Variants in SIPA1L3 observed in about 807,000 individuals in gnomAD.
SIPA1L3 encodes signal-induced proliferation-associated 1-like protein 3.
In SIPA1L3, 59 loss-of-function variants were observed where a neutral mutation model predicts 150.1. That is an observed-to-expected ratio of 0.39 (90% CI 0.32 to 0.49). SIPA1L3 has a LOEUF of 0.49. SIPA1L3 is among the 20% of genes least tolerant of loss of function. The pLI, the probability that SIPA1L3 is intolerant of heterozygous loss-of-function variation, is 0.86. For missense variants in SIPA1L3, 2,211 were observed against 2,489.5 expected (o/e 0.89, Z 2.38); for synonymous variants, 1,070 against 1,077.6 (o/e 0.99, Z 0.14).
At chr19:38,055,589 A>C (rs1296502330) in intron 2 of SIPA1L3, among the ~76,000 whole-genome samples, 1 of 152,232 alleles carries the variant, frequency 6.6e-6, no homozygotes, top group Non-Finnish European at 1.5e-5. Flanking sequence ...TTTTTGGATT[A>C]GTATCCTGCC....
intron 13 of SIPA1L3, among the ~76,000 whole-genome samples, chr19:38,157,025 G>A (rs981085648): frequency 6.6e-6 from 1 of 152,026 alleles, no homozygotes; most frequent in African/African-American, 2.4e-5. Context: ...ATAGCTAGGT[G>A]TGGCAGTGCG....
At chr19:37,922,156 C>T (rs2046462476) in intron 1 of SIPA1L3, among the ~76,000 whole-genome samples, 1 of 151,986 alleles carries the variant, frequency 6.6e-6, no homozygotes, top group East Asian at 1.9e-4. Flanking sequence ...ACAATCTCAG[C>T]TCACTGCAAC....
At chr19:37,930,540 C>T (rs74944431) in intron 1 of SIPA1L3, among the ~76,000 whole-genome samples, 252 of 152,240 alleles carry the variant, frequency 1.7e-3, no homozygotes, top group African/African-American at 5.7e-3. Context: ...ATCCCTTTTG[C>T]AGACTGAAAT....
In SIPA1L3 at chr19:38,130,679, C is replaced by T. The variant is rs1971287858; in HGVS notation, c.3050C>T (p.Thr1017Ile). The T allele has an allele frequency of 5.0e-6, 8 of 1,613,920 alleles. No homozygotes were observed. Among genetic ancestry groups the T allele is most frequent in the Non-Finnish European group, 5.9e-6 (7 of 1,180,002 alleles). Reference protein sequence around the residue: ...LVEICKVAVVTLTHDQMIDLL... With the variant: ...LVEICKVAVVILTHDQMIDLL... Reference sequence around the variant, plus strand: ...GAGATCTGCAAGGTGGCCGTGGTCACACTGACCCACGACCAGATGATCGAC... The same window carrying T: ...GAGATCTGCAAGGTGGCCGTGGTCATACTGACCCACGACCAGATGATCGAC... Residue 1017 changes from threonine (T) to isoleucine (I), a missense_variant, in exon 10 of 22, where the codon ACA becomes ATA. Physicochemically the swap from Thr to Ile is moderately conservative, Grantham distance 89. Coordinates refer to ENST00000222345, the MANE Select transcript of SIPA1L3 (RefSeq NM_015073.3).
intron 19 of SIPA1L3, chr19:38,199,739 G>C (rs1004968443): frequency 6.6e-6 from 1 of 152,016 alleles, no homozygotes. Context: ...CTGGAGGTGT[G>C]GTTTTTAATG....
At position 38,119,492 on chromosome 19, in the gene SIPA1L3, G is replaced by A. The variant is rs1191245218; in HGVS notation, c.2478G>A (p.Lys826=). The part of the protein sequence containing the change: ...MATRTRQEYL[K]DLAENCVSNT... ...CCAGGACCCGCCAGGAGTATCTCAA[G>A]GACCTGGCCGAAAACTGTGTCTCCA... The change falls in exon 9 of 22, where the codon AAG becomes AAA. Residue 826 remains lysine, a synonymous_variant. Transcript: ENST00000222345. The A allele has an allele frequency of 1.2e-6, 2 of 1,614,174 alleles. No homozygotes were observed. The highest frequency in any genetic ancestry group is 2.2e-5 in the East Asian group (1 of 44,870).
chr19:38,155,109 A>G (rs1360808170), intron 13 of SIPA1L3, among the ~76,000 whole-genome samples: 2 of 152,190 alleles, frequency 1.3e-5, no homozygotes, highest in Admixed American at 1.3e-4. Context: ...CCAAAATGAC[A>G]AAGCATCTTA....
intron 19 of SIPA1L3, 44 bp from the exon 20 acceptor site, chr19:38,201,818 C>T (rs201205622): frequency 3.8e-4 from 589 of 1,556,758 alleles, no homozygotes; most frequent in Non-Finnish European, 4.4e-4. Flanking sequence ...CGGGAGAAGC[C>T]GGGAGCCTTG....
chr19:38,040,994 A>C (rs1332414324), intron 2 of SIPA1L3, among the ~76,000 whole-genome samples: 1 of 151,852 alleles, frequency 6.6e-6, no homozygotes, highest in Non-Finnish European at 1.5e-5. Flanking sequence ...CGATCTCCTG[A>C]CCTCATGATC....
At chr19:37,985,556 GAGGGGTGTCTTAGAGGGATGAGGA>G (rs1967328923) in intron 1 of SIPA1L3, among the ~76,000 whole-genome samples, 2 of 152,206 alleles carry the variant, frequency 1.3e-5, no homozygotes, top group Admixed American at 1.3e-4. Context: ...GTAGTGGTGG[GAGGGGTGTCTTAGAGGGATGAGGA>G]AGGGGTCTGT....
intron 1 of SIPA1L3, among the ~76,000 whole-genome samples, chr19:37,937,755 A>AAAAAAAAAAAAAAAAAAAAAG: frequency 7.5e-6 from 1 of 132,814 alleles, no homozygotes; most frequent in Non-Finnish European, 1.6e-5. Context: ...AAAAAAAAAA[A>AAAAAAAAAAAAAAAAAAAAAG]AAAAAAAAAG....
intron 2 of SIPA1L3, among the ~76,000 whole-genome samples, chr19:38,074,936 A>G (rs570347466): frequency 6.6e-6 from 1 of 152,258 alleles, no homozygotes; most frequent in South Asian, 2.1e-4. Context: ...GTTTCACTGT[A>G]ATGCCCAGGC....
At chr19:38,010,745 C>T (rs141954415) in intron 1 of SIPA1L3, among the ~76,000 whole-genome samples, 353 of 152,236 alleles carry the variant, frequency 2.3e-3, no homozygotes, top group African/African-American at 8.1e-3. Flanking sequence ...AATGTACACA[C>T]TCTGGAGTCA....
intron 1 of SIPA1L3, among the ~76,000 whole-genome samples, chr19:37,987,099 C>T (rs985692421): frequency 1.3e-5 from 2 of 151,736 alleles, no homozygotes; most frequent in East Asian, 1.9e-4. Context: ...GGCTAATTTT[C>T]GAATTTTTTG....
intron 1 of SIPA1L3, among the ~76,000 whole-genome samples, chr19:37,940,289 A>T (rs1176412459): frequency 6.6e-6 from 1 of 150,510 alleles, no homozygotes; most frequent in Non-Finnish European, 1.5e-5. Context: ...CTGCCTAAAA[A>T]CAAACAAACA....
chr19:38,082,297 A>T lies in SIPA1L3; in HGVS notation c.732A>T (p.Ala244=). ...GCQALTELLR[A]DPGPHLMGGG... ...AGGCCCTCACCGAGCTCCTCCGGGCAGATCCTGGCCCACACCTCATGGGGG... is the reference window on the plus strand; with the variant it reads ...AGGCCCTCACCGAGCTCCTCCGGGCTGATCCTGGCCCACACCTCATGGGGG... The change falls in exon 3 of 22, where the codon GCA becomes GCT. Residue 244 remains alanine, a synonymous_variant. Coordinates refer to ENST00000222345, the MANE Select transcript of SIPA1L3 (RefSeq NM_015073.3). 6.3e-7 allele frequency: 1 copy of T among 1,599,622 alleles called. No homozygotes were observed. Among genetic ancestry groups the T allele is most frequent in the Non-Finnish European group, 8.5e-7 (1 of 1,179,310 alleles).
chr19:37,999,083 T>G (rs536144254), intron 1 of SIPA1L3, among the ~76,000 whole-genome samples: 1 of 151,920 alleles, frequency 6.6e-6, no homozygotes, highest in Non-Finnish European at 1.5e-5. Context: ...CACAGACAGT[T>G]GGGAAGGTCC....
rs538869934 is a variant in SIPA1L3 at position 38,196,415 on chromosome 19, C to T, written c.4841-1974C>T. On this transcript the variant is annotated intron_variant, in intron 18 of 21. Transcript: ENST00000222345. ...AAGGGCAGAGCAAGGAGGTCAAGGG[C>T]AGAGCATGGAGGTCAAGGGCAGAGC... Among the ~76,000 whole-genome samples, 978 of 138,660 alleles carry T rather than the reference C, an allele frequency of 7.1e-3. 9 individuals are homozygous for T. Among genetic ancestry groups the T allele is most frequent in the South Asian group, 0.025 (105 of 4,260 alleles). 91.0% of individuals were successfully genotyped at this position (138,660 alleles called of 152,430 possible).
intron 12 of SIPA1L3, among the ~76,000 whole-genome samples, chr19:38,151,095 A>G (rs1298889343): frequency 6.6e-6 from 1 of 152,154 alleles, no homozygotes; most frequent in Non-Finnish European, 1.5e-5. Flanking sequence ...GCAGCCTGGT[A>G]GCAACAGGGC....
Sources: allele counts gnomAD v4.1 joint callset (sites outside exome capture counted in the v4.1 genomes callset), GRCh38; gene constraint gnomAD v4.1.1; transcripts MANE v1.5; gene names NCBI Gene and HGNC (gene_info 2026-07-23, HGNC 2026-07-21).